The following KCNIP1 variants were observed in gnomAD, a reference collection of about 807,000 sequenced individuals.
KCNIP1 encodes A-type potassium channel modulatory protein KCNIP1.
A neutral mutation model predicts 33.0 loss-of-function variants in KCNIP1; 18 were observed. The ratio of observed to expected loss-of-function variants is 0.55; its 90% CI spans 0.38 to 0.81. KCNIP1 has a LOEUF of 0.81. Among genes scored for constraint, KCNIP1 ranks in the 30% least tolerant of loss-of-function variants. KCNIP1 has a pLI of 0.00. For synonymous variants in KCNIP1, 93 were observed against 98.3 expected (o/e 0.95, Z 0.32); for missense variants, 238 against 271.6 (o/e 0.88, Z 0.87).
At chr5:170,485,098 G>A (rs1215318942) in intron 1 of KCNIP1, among the ~76,000 whole-genome samples, 3 of 151,904 alleles carry the variant, frequency 2.0e-5, no homozygotes, top group Non-Finnish European at 2.9e-5. Context: ...GCGCCACCAC[G>A]CCCGGCTAAT....
At chr5:170,528,740 A>G (rs1408834472) in intron 1 of KCNIP1, among the ~76,000 whole-genome samples, 1 of 152,226 alleles carries the variant, frequency 6.6e-6, no homozygotes, top group Non-Finnish European at 1.5e-5. Flanking sequence ...AAAGATACCA[A>G]GTCAGAAATC....
chr5:170,623,046 A>G (rs936907457), intron 1 of KCNIP1, among the ~76,000 whole-genome samples: 26 of 152,324 alleles, frequency 1.7e-4, no homozygotes, highest in Admixed American at 3.3e-4. Context: ...TCGCATGCGC[A>G]GTTCGCAATA....
At chr5:170,617,490 A>G (rs1373210487) in intron 1 of KCNIP1, among the ~76,000 whole-genome samples, 3 of 152,094 alleles carry the variant, frequency 2.0e-5, no homozygotes, top group African/African-American at 7.2e-5. Context: ...TCCAGACTCT[A>G]AGTGATCTTA....
chr5:170,554,806 T>C (rs2113433468), intron 1 of KCNIP1, among the ~76,000 whole-genome samples: 1 of 152,166 alleles, frequency 6.6e-6, no homozygotes, highest in Middle Eastern at 3.4e-3. Context: ...TCTCTCCTCT[T>C]CTCCCCTTCT....
chr5:170,385,426 C>CCAT, intron 1 of KCNIP1: 2 of 1,614,114 alleles, frequency 1.2e-6, no homozygotes, highest in Non-Finnish European at 1.7e-6. Context: ...CGCTTCTGGG[C>CCAT]CATCACCAGC....
At chr5:170,459,484 T>A (rs1756459491) in intron 1 of KCNIP1, among the ~76,000 whole-genome samples, 1 of 152,144 alleles carries the variant, frequency 6.6e-6, no homozygotes, top group Admixed American at 6.5e-5. Flanking sequence ...TGAAATTATA[T>A]CAAGCACTCT....
intron 1 of KCNIP1, among the ~76,000 whole-genome samples, chr5:170,408,853 C>A (rs983614481): frequency 6.6e-6 from 1 of 152,020 alleles, no homozygotes; most frequent in Non-Finnish European, 1.5e-5. Context: ...GGTCTTTTTG[C>A]GTGGGTATTT....
At chr5:170,445,459 G>A (rs938897919) in intron 1 of KCNIP1, among the ~76,000 whole-genome samples, 1 of 152,226 alleles carries the variant, frequency 6.6e-6, no homozygotes, top group African/African-American at 2.4e-5. Context: ...GTGGATTCCT[G>A]GGGTGGCAGC....
At chr5:170,619,187 C>T in intron 1 of KCNIP1, among the ~76,000 whole-genome samples, 1 of 152,204 alleles carries the variant, frequency 6.6e-6, no homozygotes, top group East Asian at 1.9e-4. Flanking sequence ...TTTCCCTCAT[C>T]CTTCAGAACA....
At chr5:170,599,314 C>G (rs1310297633) in intron 1 of KCNIP1, among the ~76,000 whole-genome samples, 1 of 152,098 alleles carries the variant, frequency 6.6e-6, no homozygotes, top group Non-Finnish European at 1.5e-5. Flanking sequence ...CCGTGCATCC[C>G]TTTTTGGTCT....
intron 1 of KCNIP1, among the ~76,000 whole-genome samples, chr5:170,358,388 C>T (rs1763404870): frequency 1.3e-5 from 2 of 152,172 alleles, no homozygotes; most frequent in Admixed American, 6.5e-5. Flanking sequence ...AAAACCTCAG[C>T]TGCCCCATCA....
chr5:170,687,479 G>T (rs1361185492), intron 1 of KCNIP1, among the ~76,000 whole-genome samples: 1 of 152,226 alleles, frequency 6.6e-6, no homozygotes, highest in Non-Finnish European at 1.5e-5. Flanking sequence ...GAGCCACCGT[G>T]CCTGGCCAAA....
chr5:170,427,140 G>C (rs542242396), intron 1 of KCNIP1, among the ~76,000 whole-genome samples: 1 of 152,312 alleles, frequency 6.6e-6, no homozygotes, highest in East Asian at 1.9e-4. Flanking sequence ...GCCTCTGCAG[G>C]TTCACCTGCC....
chr5:170,713,191 C>G (rs1285278998), intron 1 of KCNIP1, among the ~76,000 whole-genome samples: 1 of 152,238 alleles, frequency 6.6e-6, no homozygotes, highest in Non-Finnish European at 1.5e-5. Context: ...TCTGTGTTCT[C>G]TTTTTCTCCA....
At chr5:170,600,547 C>G (rs543172526) in intron 1 of KCNIP1, among the ~76,000 whole-genome samples, 2 of 152,148 alleles carry the variant, frequency 1.3e-5, no homozygotes, top group Non-Finnish European at 2.9e-5. Flanking sequence ...CCACGCCTAC[C>G]TCCTCTCTAC....
intron 1 of KCNIP1, among the ~76,000 whole-genome samples, chr5:170,440,892 C>A (rs1755972779): frequency 6.6e-6 from 1 of 152,136 alleles, no homozygotes; most frequent in African/African-American, 2.4e-5. Flanking sequence ...ATGGAGGACC[C>A]AGGAGTCAGG....
rs146733525 is a variant in KCNIP1, at chr5:170,443,342, G to C, written c.88+89378G>C. 2.1e-4 allele frequency among the ~76,000 whole-genome samples: 32 copies of C among 152,094 alleles called. No homozygotes were observed. The East Asian group carries it at 4.8e-3, about 23-fold the overall frequency. On this transcript the variant is annotated intron_variant, in intron 1 of 7. Coordinates refer to the KCNIP1 transcript ENST00000377360. ...GAACACCCCACAGTTCCAATGCATG[G>C]GGAGGGCTTGGAAACCAAATCAACC...
intron 1 of KCNIP1, chr5:170,385,452 A>T: frequency 6.2e-7 from 1 of 1,613,990 alleles, no homozygotes; most frequent in African/African-American, 1.3e-5. Context: ...CACCATATTC[A>T]CTGGGGGCAG....
rs571140189 is a variant in KCNIP1, at chr5:170,514,490, G to A, written c.61+9857G>A. Reference sequence around the variant, plus strand: ...GCTGATTAGGACTCTAAGCCCTGTAGGCCCTGACACTAAAATAATCAGGTC... The same window carrying A: ...GCTGATTAGGACTCTAAGCCCTGTAAGCCCTGACACTAAAATAATCAGGTC... On this transcript the variant is annotated intron_variant, in intron 1 of 7. Transcript: ENST00000328939. 3.3e-5 allele frequency among the ~76,000 whole-genome samples: 5 copies of A among 152,256 alleles called. No homozygotes were observed. In the East Asian group the frequency reaches 9.7e-4, roughly 29 times the overall value.
Sources: allele counts gnomAD v4.1 joint callset (sites outside exome capture counted in the v4.1 genomes callset), GRCh38; gene constraint gnomAD v4.1.1; transcripts MANE v1.5; gene names NCBI Gene and HGNC (gene_info 2026-07-23, HGNC 2026-07-21).